Variants in CHST3 observed in about 807,000 individuals in gnomAD.
CHST3 encodes the protein C6ST-1.
Under a neutral mutation model 35.4 loss-of-function variants are expected in CHST3, and 20 were observed. That is an observed-to-expected ratio of 0.57 (90% CI 0.40 to 0.82). CHST3 has a LOEUF of 0.82. CHST3 is among the 40% of genes least tolerant of loss of function. The pLI is 0.00. For missense variants in CHST3, 693 were observed against 670.1 expected (o/e 1.03, Z -0.38); for synonymous variants, 334 against 295.9 (o/e 1.13, Z -1.32).
chr10:71,979,305 G>A (rs1839777703), intron 1 of CHST3, among the ~76,000 whole-genome samples: 1 of 152,186 alleles, frequency 6.6e-6, no homozygotes, highest in Non-Finnish European at 1.5e-5. Context: ...GACCCAGGTT[G>A]CCTGCCAGGC....
intron 1 of CHST3, among the ~76,000 whole-genome samples, chr10:71,971,177 CTG>C (rs1839691367): frequency 6.6e-6 from 1 of 152,204 alleles, no homozygotes; most frequent in Non-Finnish European, 1.5e-5. Context: ...TTCTCGTTCT[CTG>C]TGGCTGTGCT....
At chr10:71,994,915 G>T (rs551679776) in intron 1 of CHST3, among the ~76,000 whole-genome samples, 174 of 152,282 alleles carry the variant, frequency 1.1e-3, no homozygotes, top group African/African-American at 4.2e-3. Context: ...AACGCTAGCA[G>T]CTTCCAAATT....
In CHST3 at chr10:72,007,268, C is replaced by A; in HGVS notation, c.237C>A (p.Ser79=). ...LILAENASLL[S]LSELDSAFSQ... Reference sequence around the variant, plus strand: ...TAGCTGAGAACGCATCTCTCTTGTCCCTGAGCGAGCTCGATTCAGCCTTCT... The same window carrying A: ...TAGCTGAGAACGCATCTCTCTTGTCACTGAGCGAGCTCGATTCAGCCTTCT... The change falls in exon 3 of 3, where the codon TCC becomes TCA. Residue 79 remains serine, a synonymous_variant. Transcript: ENST00000373115. 6.2e-7 allele frequency: 1 copy of A among 1,614,210 alleles called. No homozygotes were observed. The highest frequency in any genetic ancestry group is 8.5e-7 in the Non-Finnish European group (1 of 1,180,046).
chr10:71,973,499 C>G (rs1458615787), intron 1 of CHST3, among the ~76,000 whole-genome samples: 2 of 152,260 alleles, frequency 1.3e-5, no homozygotes, highest in Non-Finnish European at 2.9e-5. Flanking sequence ...TACTGGCCGG[C>G]TGCCTCCCCA....
rs1276468138 is a variant in CHST3 at position 72,013,283 on chromosome 10, T to G, written c.*4812T>G. 1 of 152,260 alleles carries G rather than the reference T, an allele frequency of 6.6e-6. No homozygotes were observed. Among genetic ancestry groups the G allele is most frequent in the African/African-American group, 2.4e-5 (1 of 41,460 alleles). The allele number at this position is 152,260 out of a possible 1,614,324, so 9.4% of individuals were successfully genotyped here. On this transcript the variant is annotated 3_prime_UTR_variant, in exon 3 of 3. Transcript: ENST00000373115. ...CATACACTGCCATGGTATGTACATA[T>G]GCATCCACGTGTGTGTATGTGTAGC... is the stretch of plus-strand genomic sequence containing the variant.
chr10:72,008,983 A>G lies in CHST3; in HGVS notation c.*512A>G, dbSNP rs1457319675. On this transcript the variant is annotated 3_prime_UTR_variant, in exon 3 of 3. Transcript: ENST00000373115. Reference sequence around the variant, plus strand: ...GCATTTGAGGCTCGTTTGAGGTGACAGTGGCTGTTTACCAACTAGTACAGA... The same window carrying G: ...GCATTTGAGGCTCGTTTGAGGTGACGGTGGCTGTTTACCAACTAGTACAGA... The G allele has an allele frequency of 1.3e-5, 2 of 156,920 alleles. No individual in the cohort carries two copies. Among genetic ancestry groups the G allele is most frequent in the African/African-American group, 4.8e-5 (2 of 41,472 alleles). The allele number at this position is 156,920 out of a possible 1,614,324, so 9.7% of individuals were successfully genotyped here. A position where few individuals can be genotyped will look rare whatever the true frequency, so the allele number is the denominator to read the frequency against.
At position 72,007,960 on chromosome 10, in the gene CHST3, G is replaced by T. The variant is rs1263673104; in HGVS notation, c.929G>T (p.Arg310Leu). The change falls in exon 3 of 3, where the codon CGC becomes CTC. Residue 310 changes from arginine to leucine, a missense_variant. By Grantham distance (102) the Arg-to-Leu change is moderately radical. Coordinates refer to ENST00000373115, the MANE Select transcript of CHST3 (RefSeq NM_004273.5). ...VRDPRAVLASRMVAFAGKYKT... is the reference protein window; with the variant it reads ...VRDPRAVLASLMVAFAGKYKT... ...GACCCCCGGGCCGTGCTGGCCTCGC[G>T]CATGGTGGCCTTCGCCGGCAAGTAT... is the stretch of plus-strand genomic sequence containing the variant. 1.9e-6 allele frequency: 3 copies of T among 1,549,448 alleles called. No individual in the cohort carries two copies. Among genetic ancestry groups the T allele is most frequent in the Non-Finnish European group, 2.6e-6 (3 of 1,146,550 alleles).
intron 1 of CHST3, among the ~76,000 whole-genome samples, chr10:71,999,486 G>T (rs141586768): frequency 6.6e-6 from 1 of 152,318 alleles, no homozygotes; most frequent in East Asian, 1.9e-4. Flanking sequence ...CCTCCAGCTC[G>T]TGGGAAAGGC....
chr10:71,967,600 GT>G (rs1316699938), intron 1 of CHST3, among the ~76,000 whole-genome samples: 1 of 152,148 alleles, frequency 6.6e-6, no homozygotes, highest in Non-Finnish European at 1.5e-5. Context: ...TTGATTTCAT[GT>G]TTTTGCTATT....
At chr10:71,980,900 T>C (rs1453891450) in intron 1 of CHST3, among the ~76,000 whole-genome samples, 1 of 152,176 alleles carries the variant, frequency 6.6e-6, no homozygotes, top group Non-Finnish European at 1.5e-5. Context: ...CTCACACTAT[T>C]AATATAAAGT....
At chr10:72,006,755 C>A (rs192857814) in intron 2 of CHST3, among the ~76,000 whole-genome samples, 26 of 152,312 alleles carry the variant, frequency 1.7e-4, no homozygotes, top group Middle Eastern at 3.4e-3. Context: ...TCAATCCCCC[C>A]CCTTGGGTCA....
At chr10:71,991,437 C>G (rs960022289) in intron 1 of CHST3, among the ~76,000 whole-genome samples, 1 of 152,214 alleles carries the variant, frequency 6.6e-6, no homozygotes, top group South Asian at 2.1e-4. Context: ...TATGTTCACT[C>G]CAGACACACT....
chr10:72,001,903 A>G lies in CHST3; in HGVS notation c.-107-3833A>G, dbSNP rs140092038. 5.0e-4 allele frequency among the ~76,000 whole-genome samples: 76 copies of G among 152,330 alleles called. No individual in the cohort carries two copies. The East Asian group carries it at 0.012, about 24-fold the overall frequency. ...ACCATGGAAGTGGGAGAGAAGTGAT[A>G]CAAAGGTGTATCTGATGTCACAGGT... On this transcript the variant is annotated intron_variant, in intron 1 of 2. Transcript: ENST00000373115.
At chr10:71,967,128 G>A (rs1335668770) in intron 1 of CHST3, among the ~76,000 whole-genome samples, 3 of 152,106 alleles carry the variant, frequency 2.0e-5, no homozygotes, top group Admixed American at 1.3e-4. Context: ...CCAGCCTCCC[G>A]AGTAGCTGGC....
In CHST3 at chr10:72,008,414, C is replaced by G. The variant is rs746356934; in HGVS notation, c.1383C>G (p.Ala461=). The change falls in exon 3 of 3, where the codon GCC becomes GCG. Residue 461 remains alanine, a synonymous_variant. Transcript: ENST00000373115. ...ACAAACTGGCGCGGGACGCCGCCGC[C>G]CTCACCAACCGCTCAGTCAGCCTGC... is the stretch of plus-strand genomic sequence containing the variant. ...FGYKLARDAA[A]LTNRSVSLLE... 6.4e-7 allele frequency: 1 copy of G among 1,573,534 alleles called. No individual in the cohort carries two copies. The highest frequency in any genetic ancestry group is 2.3e-5 in the East Asian group (1 of 42,948).
chr10:72,007,071 C>T (rs1327982283), intron 2 of CHST3, 101 bp from the exon 3 acceptor site: 1 of 1,367,604 alleles, frequency 7.3e-7, no homozygotes, highest in African/African-American at 1.4e-5. Flanking sequence ...GGAAACCCAA[C>T]TGAGACAGGT....
At chr10:71,971,880 G>A (rs1170011625) in intron 1 of CHST3, among the ~76,000 whole-genome samples, 1 of 152,158 alleles carries the variant, frequency 6.6e-6, no homozygotes, top group African/African-American at 2.4e-5. Flanking sequence ...TGCCAGTCAC[G>A]AAGCAGTGTC....
intron 1 of CHST3, among the ~76,000 whole-genome samples, chr10:71,976,284 C>T (rs186859167): frequency 3.9e-5 from 6 of 152,288 alleles, no homozygotes; most frequent in South Asian, 2.1e-4. Flanking sequence ...GGCCTCACTG[C>T]GGTGACTCAT....
At chr10:72,005,680 T>C in intron 1 of CHST3, 56 bp from the exon 2 acceptor site, 1 of 812,964 alleles carries the variant, frequency 1.2e-6, no homozygotes, top group Non-Finnish European at 2.0e-6. Context: ...TGGAGAGACA[T>C]CCTCTGCATT....
Sources: allele counts gnomAD v4.1 joint callset (sites outside exome capture counted in the v4.1 genomes callset), GRCh38; gene constraint gnomAD v4.1.1; transcripts MANE v1.5; gene names NCBI Gene and HGNC (gene_info 2026-07-23, HGNC 2026-07-21).